The following AMMECR1 variants were observed in gnomAD, a reference collection of about 807,000 sequenced individuals.
The protein encoded by AMMECR1 is nuclear protein AMMECR1.
Under a neutral mutation model 22.5 loss-of-function variants are expected in AMMECR1, and 3 were observed. The observed-to-expected ratio is 0.13, with a 90% CI of 0.06 to 0.35. The LOEUF (loss-of-function observed/expected upper bound fraction) is 0.35, where lower values mean the gene tolerates loss of function less well. AMMECR1 is among the 10% of genes least tolerant of loss of function. The probability of loss-of-function intolerance (pLI) is 1.00; values close to 1 mark genes in which losing one functional copy is unlikely to be tolerated. For missense variants in AMMECR1, 235 were observed against 278.7 expected (o/e 0.84, Z 1.12); for synonymous variants, 130 against 116.7 (o/e 1.11, Z -0.74).
intron 2 of AMMECR1, among the ~76,000 whole-genome samples, chrX:110,388,795 A>G (rs146915924): frequency 0.087 from 9,671 of 111,358 alleles, 608 homozygotes; most frequent in African/African-American, 0.21. Flanking sequence ...TTGCTCTGCC[A>G]AGTAGTTGGC....
upstream of AMMECR1, among the ~76,000 whole-genome samples, chrX:110,318,810 G>A (rs1006050277): frequency 1.8e-5 from 2 of 111,859 alleles, no homozygotes; most frequent in South Asian, 3.7e-4. Flanking sequence ...ATTCAAGTCC[G>A]ACTGAATCTA....
chrX:110,343,948 C>G (rs2068176493), intron 2 of AMMECR1, among the ~76,000 whole-genome samples: 1 of 111,693 alleles, frequency 9.0e-6, no homozygotes, highest in Non-Finnish European at 1.9e-5. Flanking sequence ...GATGCCATCC[C>G]CATCAAGCTA....
At chrX:110,342,701 A>G (rs902978090) in intron 2 of AMMECR1, among the ~76,000 whole-genome samples, 3 of 112,165 alleles carry the variant, frequency 2.7e-5, no homozygotes, top group Non-Finnish European at 5.6e-5. Context: ...TTGAATAACA[A>G]TAGTCCTTTG....
intron 1 of AMMECR1, chrX:110,305,295 T>C (rs1424100937): frequency 8.9e-6 from 1 of 112,093 alleles, no homozygotes; most frequent in Non-Finnish European, 1.9e-5. Flanking sequence ...TCAAACACAG[T>C]CTTAAGATAA....
At position 110,371,218 on chromosome X, in the gene AMMECR1, C is replaced by T. The variant is rs144972100; in HGVS notation, c.-147-53369G>A. On this transcript the variant is annotated intron_variant, in intron 2 of 7. Coordinates refer to the AMMECR1 transcript ENST00000372057. The stretch of plus-strand genomic sequence containing the variant: ...CCTTCTTCATCCTCTTTGTGTACCC[C>T]CCGAGACTGACCTTTATAGACTGCA... 9.8e-3 allele frequency among the ~76,000 whole-genome samples: 1,076 copies of T among 110,209 alleles called. 19 individuals carry two copies. Among genetic ancestry groups the T allele is most frequent in the African/African-American group, 0.034 (1,021 of 30,282 alleles).
At chrX:110,289,753 G>A (rs908501372) in intron 1 of AMMECR1, among the ~76,000 whole-genome samples, 6 of 112,220 alleles carry the variant, frequency 5.3e-5, no homozygotes, top group African/African-American at 1.9e-4. Context: ...TCAAATGGTA[G>A]TTGACAGTGC....
intron 2 of AMMECR1, among the ~76,000 whole-genome samples, chrX:110,237,307 A>T (rs1480770294): frequency 9.0e-6 from 1 of 110,513 alleles, no homozygotes; most frequent in East Asian, 2.8e-4. Flanking sequence ...CCTCCAAAAA[A>T]ATCCAGTGGC....
At chrX:110,314,838 A>G (rs2068040648) in intron 1 of AMMECR1, among the ~76,000 whole-genome samples, 1 of 112,124 alleles carries the variant, frequency 8.9e-6, no homozygotes, top group African/African-American at 3.2e-5. Context: ...GCTTGTTCAT[A>G]TATTGACATC....
intron 2 of AMMECR1, among the ~76,000 whole-genome samples, chrX:110,218,787 T>C (rs992734916): frequency 4.5e-5 from 5 of 110,847 alleles, no homozygotes; most frequent in African/African-American, 1.6e-4. Flanking sequence ...ACGTACCCAA[T>C]AGCAGTCACT....
intron 1 of AMMECR1, among the ~76,000 whole-genome samples, chrX:110,433,678 C>A (rs2068815245): frequency 8.9e-6 from 1 of 111,931 alleles, no homozygotes; most frequent in African/African-American, 3.3e-5. Context: ...CACTCTCAAT[C>A]ATGAAAAGAG....
At position 110,379,153 on chromosome X, in the gene AMMECR1, C is replaced by T. The variant is rs145045038; in HGVS notation, c.-148+47505G>A. Reference sequence around the variant, plus strand: ...CCACCCCCATCTGCTTTTCAGTGTACCTTTCAATTGCTCTCTAGTGCTCCA... The same window carrying T: ...CCACCCCCATCTGCTTTTCAGTGTATCTTTCAATTGCTCTCTAGTGCTCCA... On this transcript the variant is annotated intron_variant, in intron 2 of 7. Coordinates refer to the AMMECR1 transcript ENST00000372057. 5.4e-3 allele frequency among the ~76,000 whole-genome samples: 602 copies of T among 111,725 alleles called. 2 individuals carry two copies. The highest frequency in any genetic ancestry group is 8.3e-3 in the Non-Finnish European group (442 of 53,136).
intron 2 of AMMECR1, among the ~76,000 whole-genome samples, chrX:110,412,471 G>T (rs969408560): frequency 1.8e-5 from 2 of 112,175 alleles, no homozygotes; most frequent in Non-Finnish European, 3.8e-5. Flanking sequence ...GCCTAGGTTT[G>T]ACTTCCTCCT....
At chrX:110,273,104 G>A (rs752112354) in intron 1 of AMMECR1, among the ~76,000 whole-genome samples, 1 of 112,075 alleles carries the variant, frequency 8.9e-6, no homozygotes, top group South Asian at 3.7e-4. Context: ...TTCCATAAAA[G>A]TTGAACTAAT....
chrX:110,229,776 C>T (rs918684826), intron 2 of AMMECR1, among the ~76,000 whole-genome samples: 1 of 112,232 alleles, frequency 8.9e-6, no homozygotes, highest in African/African-American at 3.2e-5. Context: ...GACAGACTAC[C>T]TGGAAAAGCG....
chrX:110,324,576 G>T (rs2068090652), intron 2 of AMMECR1, among the ~76,000 whole-genome samples: 1 of 109,587 alleles, frequency 9.1e-6, no homozygotes, highest in African/African-American at 3.3e-5. Flanking sequence ...CATTAAGTAT[G>T]ATGTTAGCTG....
chrX:110,202,594 G>T, intron 3 of AMMECR1, 58 bp from the exon 4 acceptor site: 1 of 779,745 alleles, frequency 1.3e-6, no homozygotes. Flanking sequence ...AGAAAGAAAA[G>T]GTTATAATTT....
intron 3 of AMMECR1, among the ~76,000 whole-genome samples, chrX:110,203,388 G>A (rs1331258024): frequency 9.0e-6 from 1 of 111,517 alleles, no homozygotes; most frequent in Non-Finnish European, 1.9e-5. Context: ...CCTTTGATTA[G>A]CATATGATTG....
At chrX:110,259,666 A>G (rs2067729113) in intron 2 of AMMECR1, among the ~76,000 whole-genome samples, 1 of 105,337 alleles carries the variant, frequency 9.5e-6, no homozygotes, top group Non-Finnish European at 1.9e-5. Context: ...ATCTTGGCTC[A>G]CTGCAAGCTC....
At chrX:110,226,613 A>AAAACAT (rs2067535039) in intron 2 of AMMECR1, among the ~76,000 whole-genome samples, 1 of 111,314 alleles carries the variant, frequency 9.0e-6, no homozygotes, top group African/African-American at 3.3e-5. Context: ...TCTCAAAACA[A>AAAACAT]AAACAAAAAC....
Sources: gnomAD v4.1 joint callset for allele counts (sites outside exome capture counted in the v4.1 genomes callset) on GRCh38, gnomAD v4.1.1 for gene constraint, MANE v1.5 for transcripts, NCBI Gene and HGNC (gene_info 2026-07-23, HGNC 2026-07-21) for gene names.